LRP1B: variants seen among roughly 807,000 people sequenced by gnomAD.
The protein encoded by LRP1B is LDL receptor related protein 1B, also known as low-density lipoprotein receptor-related protein 1B.
Under a neutral mutation model 556.6 loss-of-function variants are expected in LRP1B, and 217 were observed. That is an observed-to-expected ratio of 0.39 (90% CI 0.35 to 0.44). LRP1B has a LOEUF of 0.44. Among genes scored for constraint, LRP1B ranks in the 20% least tolerant of loss-of-function variants. LRP1B has a pLI of 1.00. For missense variants in LRP1B, 5,053 were observed against 5,620.8 expected (o/e 0.90, Z 3.23); for synonymous variants, 2,047 against 1,865.8 (o/e 1.10, Z -2.50).
At chr2:140,801,617 A>G (rs1690517210) in intron 32 of LRP1B, among the ~76,000 whole-genome samples, 1 of 151,632 alleles carries the variant, frequency 6.6e-6, no homozygotes, top group South Asian at 2.1e-4. Flanking sequence ...TGTGAGACTA[A>G]TAATGCTAAT....
intron 7 of LRP1B, among the ~76,000 whole-genome samples, chr2:141,142,921 CT>C (rs35543111): frequency 0.019 from 1,934 of 101,336 alleles, 31 homozygotes; most frequent in African/African-American, 0.071. Context: ...TGTCTGATTA[CT>C]TTTTTTTTTT....
At chr2:140,324,470 C>CA (rs1680343351) in intron 80 of LRP1B, among the ~76,000 whole-genome samples, 1 of 152,128 alleles carries the variant, frequency 6.6e-6, no homozygotes, top group South Asian at 2.1e-4. Context: ...ATTACATGCC[C>CA]AAATGACTGG....
chr2:140,926,707 C>T (rs969249031), intron 20 of LRP1B, among the ~76,000 whole-genome samples: 7 of 152,052 alleles, frequency 4.6e-5, no homozygotes, highest in South Asian at 2.1e-4. Flanking sequence ...TCTATATATT[C>T]GGGAACTTCA....
At chr2:141,750,060 TG>T (rs933805110) in intron 2 of LRP1B, among the ~76,000 whole-genome samples, 3 of 152,162 alleles carry the variant, frequency 2.0e-5, no homozygotes, top group Admixed American at 6.5e-5. Context: ...AGTGAGGGGA[TG>T]ATAATGTCTT....
At chr2:141,367,165 T>C (rs559263442) in intron 3 of LRP1B, among the ~76,000 whole-genome samples, 1 of 152,190 alleles carries the variant, frequency 6.6e-6, no homozygotes, top group Non-Finnish European at 1.5e-5. Flanking sequence ...TAATTTCATA[T>C]AGTACAACTT....
At chr2:141,969,812 C>G (rs1016409966) in intron 1 of LRP1B, among the ~76,000 whole-genome samples, 1 of 151,520 alleles carries the variant, frequency 6.6e-6, no homozygotes, top group African/African-American at 2.4e-5. Flanking sequence ...ATTTCTGTAT[C>G]ATATAATTCT....
At chr2:140,710,578 T>C (rs554360578) in intron 37 of LRP1B, among the ~76,000 whole-genome samples, 1 of 152,066 alleles carries the variant, frequency 6.6e-6, no homozygotes, top group African/African-American at 2.4e-5. Context: ...ATAAATATAA[T>C]AAGAGAGAGA....
intron 3 of LRP1B, among the ~76,000 whole-genome samples, chr2:141,400,009 A>G (rs1379910291): frequency 6.6e-6 from 1 of 152,060 alleles, no homozygotes; most frequent in Non-Finnish European, 1.5e-5. Context: ...TTTTTGAGAC[A>G]GGGTCTCATT....
At chr2:141,941,074 G>T (rs1321421555) in intron 1 of LRP1B, among the ~76,000 whole-genome samples, 16 of 152,112 alleles carry the variant, frequency 1.1e-4, no homozygotes, top group Admixed American at 1.0e-3. Context: ...ACAATATTAT[G>T]TCTACAGTTA....
At chr2:141,585,246 T>C (rs999602500) in intron 2 of LRP1B, among the ~76,000 whole-genome samples, 7 of 152,196 alleles carry the variant, frequency 4.6e-5, no homozygotes, top group Admixed American at 4.6e-4. Context: ...TCCTAAGATA[T>C]TTCCAAGATA....
intron 2 of LRP1B, among the ~76,000 whole-genome samples, chr2:141,590,097 A>G (rs982132718): frequency 4.0e-5 from 6 of 151,268 alleles, no homozygotes; most frequent in Non-Finnish European, 5.9e-5. Flanking sequence ...GCAAATGCAG[A>G]AAAAAAAATG....
intron 18 of LRP1B, among the ~76,000 whole-genome samples, chr2:140,958,254 A>G (rs887101358): frequency 6.6e-6 from 1 of 151,642 alleles, no homozygotes. Context: ...TGTAGAGGCT[A>G]TAGATTGAAA....
rs140153942 is a variant in LRP1B at position 141,506,812 on chromosome 2, G to A, written c.206-26279C>T. On this transcript the variant is annotated intron_variant, in intron 2 of 90. Transcript: ENST00000389484. ...TGTGTTTTTTATGTTATTAAAAAGT[G>A]CCCTTGGGAAAAAAATATTATAAAT... Among the ~76,000 whole-genome samples the A allele has an allele frequency of 6.2e-3, 938 of 152,104 alleles. 12 individuals are homozygous for A. Among genetic ancestry groups the A allele is most frequent in the Non-Finnish European group, 6.3e-3 (429 of 67,952 alleles).
intron 56 of LRP1B, among the ~76,000 whole-genome samples, chr2:140,494,023 C>T (rs1020377429): frequency 1.3e-5 from 2 of 151,668 alleles, no homozygotes; most frequent in African/African-American, 4.8e-5. Flanking sequence ...TCATGTTCTA[C>T]TTCACTGCTT....
At chr2:140,427,805 C>T (rs565325612) in intron 66 of LRP1B, among the ~76,000 whole-genome samples, 98 of 152,030 alleles carry the variant, frequency 6.4e-4, no homozygotes, top group Non-Finnish European at 1.2e-3. Flanking sequence ...CTCCCCTCCT[C>T]GCCAGGCCGA....
At chr2:141,379,149 C>G (rs1689544638) in intron 3 of LRP1B, among the ~76,000 whole-genome samples, 1 of 151,988 alleles carries the variant, frequency 6.6e-6, no homozygotes, top group Admixed American at 6.6e-5. Context: ...TAAAGGATCT[C>G]AATGAGATGA....
chr2:141,853,663 A>G (rs1471512804), intron 1 of LRP1B, among the ~76,000 whole-genome samples: 5 of 151,874 alleles, frequency 3.3e-5, no homozygotes, highest in South Asian at 2.1e-4. Flanking sequence ...TTGAAAATCA[A>G]TGTGGACTTA....
chr2:141,559,911 G>A (rs777459072), intron 2 of LRP1B, among the ~76,000 whole-genome samples: 2 of 151,412 alleles, frequency 1.3e-5, no homozygotes, highest in Non-Finnish European at 3.0e-5. Flanking sequence ...GAAACAAATC[G>A]TTTCATCCAA....
At chr2:140,238,084 G>T in intron 89 of LRP1B, 68 bp downstream of exon 89, 2 of 1,398,076 alleles carry the variant, frequency 1.4e-6, no homozygotes, top group African/African-American at 1.5e-5. Context: ...GTGAAATTCA[G>T]AACCATAAAA....
Sources: allele counts gnomAD v4.1 joint callset (sites outside exome capture counted in the v4.1 genomes callset), GRCh38; gene constraint gnomAD v4.1.1; transcripts MANE v1.5; gene names NCBI Gene and HGNC (gene_info 2026-07-23, HGNC 2026-07-21).